The following FRMD8 variants were observed in gnomAD, a reference collection of about 807,000 sequenced individuals.
FRMD8 encodes FERM domain containing 8, also known as FERM domain-containing protein 8.
A neutral mutation model predicts 54.2 loss-of-function variants in FRMD8; 37 were observed. The ratio of observed to expected loss-of-function variants is 0.68; its 90% CI spans 0.53 to 0.90. The LOEUF is 0.90. Ranked by LOEUF, FRMD8 falls within the 40% of genes least tolerant of loss-of-function variation. The pLI, the probability that FRMD8 is intolerant of heterozygous loss-of-function variation, is 0.00. For synonymous variants in FRMD8, 246 were observed against 286.9 expected (o/e 0.86, Z 1.44); for missense variants, 585 against 653.7 (o/e 0.89, Z 1.15).
rs1856017280 is a variant in FRMD8 at position 65,399,176 on chromosome 11, T to C, written c.804-560T>C. ...CCATGCCCGGCTAATTTTTTTTGTATTTTTAGTAGAGATGGGGTTTCACCC... is the reference window on the plus strand; with the variant it reads ...CCATGCCCGGCTAATTTTTTTTGTACTTTTAGTAGAGATGGGGTTTCACCC... On this transcript the variant is annotated intron_variant, in intron 7 of 10. Transcript: ENST00000317568. Among the ~76,000 whole-genome samples the C allele has an allele frequency of 2.6e-5, 4 of 152,136 alleles. No individual in the cohort carries two copies. In the South Asian group the frequency reaches 8.3e-4, roughly 32 times the overall value.
Position 65,396,740 on chromosome 11 carries a change from C to A in FRMD8, c.582-59C>A. The stretch of plus-strand genomic sequence containing the variant: ...CAGGCAGCCTTGCTTCCCTCGCCCT[C>A]CCCCGTGAGCCTGGCACCTCTGGTT... On this transcript the variant is annotated intron_variant, in intron 6 of 10. Transcript: ENST00000317568. The A allele has an allele frequency of 4.2e-6, 5 of 1,178,902 alleles. No individual in the cohort carries two copies. In the South Asian group the frequency reaches 8.8e-5, roughly 21 times the overall value. 73.0% of individuals were successfully genotyped at this position (1,178,902 alleles called of 1,614,324 possible).
rs141253213 is a variant in FRMD8, at chr11:65,395,821, G to A, written c.582-978G>A. ...GTTCCACCAGTTCAGAAATCCCAAC[G>A]TTCCTGACTTGGTGACACAGATGTT... On this transcript the variant is annotated intron_variant, in intron 6 of 10. Coordinates refer to ENST00000317568, the MANE Select transcript of FRMD8 (RefSeq NM_031904.5). Among the ~76,000 whole-genome samples the A allele has an allele frequency of 4.4e-4, 67 of 152,324 alleles. No individual in the cohort carries two copies. The East Asian group carries it at 7.5e-3, about 17-fold the overall frequency.
In FRMD8 at chr11:65,386,659, C is replaced by T. The variant is rs1368799581; in HGVS notation, c.-103C>T. 4.0e-6 allele frequency: 1 copy of T among 248,084 alleles called. No individual in the cohort carries two copies. The highest frequency in any genetic ancestry group is 7.7e-6 in the Non-Finnish European group (1 of 129,348). 15.4% of individuals were successfully genotyped at this position (248,084 alleles called of 1,614,324 possible). On this transcript the variant is annotated 5_prime_UTR_variant, in exon 1 of 11. Transcript: ENST00000317568. The stretch of plus-strand genomic sequence containing the variant: ...CGCGTCGCTTCCCGGTCAGCTGCGT[C>T]CTTAGCGGGAGCCCGAGTGCGGGCG...
chr11:65,379,841 G>A, the FRMD8 span: 1 of 1,613,710 alleles, frequency 6.2e-7, no homozygotes, highest in East Asian at 2.2e-5. Flanking sequence ...GAAAGGGGAA[G>A]GACCCCAAAG....
chr11:65,385,820 G>A (rs1055026436), upstream of FRMD8, among the ~76,000 whole-genome samples: 3 of 150,728 alleles, frequency 2.0e-5, no homozygotes, highest in Non-Finnish European at 3.0e-5. Flanking sequence ...TTTTTCAGAC[G>A]GAGTCTCGCC....
chr11:65,387,185 CT>C, intron 2 of FRMD8, 64 bp downstream of exon 2: 1 of 1,252,390 alleles, frequency 8.0e-7, no homozygotes, highest in South Asian at 1.2e-5. Context: ...AGAAGTAGCT[CT>C]GGCTTGTCTT....
intron 3 of FRMD8, among the ~76,000 whole-genome samples, chr11:65,392,448 G>A (rs1855864891): frequency 1.3e-5 from 2 of 152,208 alleles, no homozygotes; most frequent in Non-Finnish European, 2.9e-5. Flanking sequence ...CCCCGGTGAC[G>A]GACATCCCCA....
At position 65,400,636 on chromosome 11, in the gene FRMD8, C is replaced by A; in HGVS notation, c.928-88C>A. 1.5e-6 allele frequency: 2 copies of A among 1,328,748 alleles called. No homozygotes were observed. The highest frequency in any genetic ancestry group is 1.0e-6 in the Non-Finnish European group (1 of 991,072). 82.3% of individuals were successfully genotyped at this position (1,328,748 alleles called of 1,614,324 possible). ...GTAGACTCAGCCTTGGAGAGGCACA[C>A]ACCCTGGCCAGGTGTCTGAGTGGGA... On this transcript the variant is annotated intron_variant, in intron 8 of 10. Transcript: ENST00000317568. This position sits in a 1 kb window ranked among gnomAD's most constrained non-coding sequence, Gnocchi z 4.3.
chr11:65,401,004 A>C, intron 9 of FRMD8, 137 bp downstream of exon 9: 1 of 998,336 alleles, frequency 1.0e-6, no homozygotes, highest in East Asian at 2.6e-5. Context: ...CGGCCTGGGC[A>C]CAAGGGGTGC....
At chr11:65,409,749 G>C (rs979045677) in intron 10 of FRMD8, among the ~76,000 whole-genome samples, 3 of 150,962 alleles carry the variant, frequency 2.0e-5, no homozygotes, top group South Asian at 2.1e-4. Flanking sequence ...CTGGGTGACA[G>C]AGTGAGACCC....
chr11:65,393,136 T>TGA (rs1855875895), intron 3 of FRMD8, among the ~76,000 whole-genome samples: 1 of 152,194 alleles, frequency 6.6e-6, no homozygotes, highest in Admixed American at 6.5e-5. Flanking sequence ...TGGGCAGTGA[T>TGA]GACGGGGAGG....
chr11:65,369,799 G>A, the FRMD8 span, among the ~76,000 whole-genome samples: 7 of 151,760 alleles, frequency 4.6e-5, no homozygotes, highest in African/African-American at 1.2e-4. Context: ...TTGGGAGGCC[G>A]AGGCGGGCGG....
chr11:65,387,136 C>T lies in FRMD8; in HGVS notation c.85+15C>T. 3 of 1,599,480 alleles carry T rather than the reference C, an allele frequency of 1.9e-6. No individual in the cohort carries two copies. The highest frequency in any genetic ancestry group is 2.6e-6 in the Non-Finnish European group (3 of 1,176,226). On this transcript the variant is annotated intron_variant, in intron 2 of 10. Transcript: ENST00000317568. ...GGGAGCCCGAGGTGGGTCCCACCCGCATCTCCTCTTCCACACCCTCCTGGG... is the reference window on the plus strand; with the variant it reads ...GGGAGCCCGAGGTGGGTCCCACCCGTATCTCCTCTTCCACACCCTCCTGGG...
intron 10 of FRMD8, among the ~76,000 whole-genome samples, chr11:65,408,638 G>A (rs1279131413): frequency 6.6e-6 from 1 of 151,232 alleles, no homozygotes; most frequent in Non-Finnish European, 1.5e-5. Context: ...TTTTAAATAG[G>A]ATTTCACTCT....
rs1042647879 is a variant in FRMD8, at chr11:65,400,175, G to A, written c.927+316G>A. On this transcript the variant is annotated intron_variant, in intron 8 of 10. Coordinates refer to ENST00000317568, the MANE Select transcript of FRMD8 (RefSeq NM_031904.5). The surrounding 1 kb of genome is among the most constrained non-coding windows in gnomAD (Gnocchi z 4.3). ...ACAGCCTGATGCTCCAGAAGACCCC[G>A]CGACGGGAGCCCTCTTGGGCTGACC... Among the ~76,000 whole-genome samples the A allele has an allele frequency of 6.6e-6, 1 of 152,172 alleles. No homozygotes were observed. The highest frequency in any genetic ancestry group is 2.4e-5 in the African/African-American group (1 of 41,432).
At chr11:65,382,711 G>A (rs1855638728), upstream of FRMD8, 1 of 152,682 alleles carries the variant, frequency 6.5e-6, no homozygotes, top group South Asian at 2.0e-4. This position sits in a 1 kb window ranked among gnomAD's most constrained non-coding sequence, Gnocchi z 4.4. Flanking sequence ...CTGACCTCAC[G>A]TCCTGCCACC....
upstream of FRMD8, among the ~76,000 whole-genome samples, chr11:65,386,192 G>A (rs1416684432): frequency 6.6e-6 from 1 of 152,192 alleles, no homozygotes; most frequent in Admixed American, 6.5e-5. Flanking sequence ...GAAAACTGAG[G>A]CCCAGAGGAG....
the FRMD8 span, chr11:65,376,420 C>T: frequency 5.6e-4 from 906 of 1,613,678 alleles, 10 homozygotes; most frequent in East Asian, 9.1e-3. Flanking sequence ...TCCCCACCAG[C>T]GGAGGAGATA....
At chr11:65,408,353 C>T (rs1343302287) in intron 10 of FRMD8, among the ~76,000 whole-genome samples, 10 of 151,942 alleles carry the variant, frequency 6.6e-5, no homozygotes, top group African/African-American at 1.4e-4. Context: ...GGATTACAGT[C>T]GTGAGCCACC....
Sources: allele counts gnomAD v4.1 joint callset (sites outside exome capture counted in the v4.1 genomes callset), GRCh38; gene constraint gnomAD v4.1.1; non-coding constraint Gnocchi (gnomAD v3.1); transcripts MANE v1.5; gene names NCBI Gene and HGNC (gene_info 2026-07-23, HGNC 2026-07-21).